SLC14A2: variants seen among roughly 807,000 people sequenced by gnomAD.
The protein encoded by SLC14A2 is solute carrier family 14 member 2.
Under a neutral mutation model 104.6 loss-of-function variants are expected in SLC14A2, and 91 were observed. The observed-to-expected ratio is 0.87, with a 90% confidence interval of 0.73 to 1.04. The LOEUF is 1.04. SLC14A2 is among the 50% of genes least tolerant of loss of function. The pLI, the probability that SLC14A2 is intolerant of heterozygous loss-of-function variation, is 0.00. For missense variants in SLC14A2, 1,189 were observed against 1,156.0 expected (o/e 1.03, Z -0.41); for synonymous variants, 476 against 466.4 (o/e 1.02, Z -0.27).
At chr18:45,229,982 T>C (rs2084158621) in intron 1 of SLC14A2, among the ~76,000 whole-genome samples, 1 of 152,182 alleles carries the variant, frequency 6.6e-6, no homozygotes, top group Non-Finnish European at 1.5e-5. Context: ...ATCTGTAAAA[T>C]AGGGTCAACA....
rs542216442 is a variant in SLC14A2, at chr18:45,399,023, A to G, written c.-124-84210A>G. 3.3e-5 allele frequency among the ~76,000 whole-genome samples: 5 copies of G among 152,332 alleles called. No individual in the cohort carries two copies. The South Asian group carries it at 1.0e-3, about 32-fold the overall frequency. ...TAAAAAATACTTAGCCCAAAAAGAA[A>G]TAGTATAATGACACTTATTGGATGC... On this transcript the variant is annotated intron_variant, in intron 1 of 20. Coordinates refer to the SLC14A2 transcript ENST00000586448.
chr18:45,570,408 T>C (rs1156860116), intron 2 of SLC14A2, among the ~76,000 whole-genome samples: 1 of 152,206 alleles, frequency 6.6e-6, no homozygotes, highest in Non-Finnish European at 1.5e-5. Context: ...CACCCTCCTC[T>C]AAGTTCAACC....
intron 2 of SLC14A2, among the ~76,000 whole-genome samples, chr18:45,554,471 C>T (rs1182051357): frequency 6.6e-6 from 1 of 152,066 alleles, no homozygotes; most frequent in Non-Finnish European, 1.5e-5. Context: ...AATTTGCAGC[C>T]CCCAAACATG....
At chr18:45,239,031 G>GGT (rs1180131832) in intron 1 of SLC14A2, among the ~76,000 whole-genome samples, 2 of 152,108 alleles carry the variant, frequency 1.3e-5, no homozygotes, top group Non-Finnish European at 2.9e-5. Context: ...AAAAAGAAAA[G>GGT]GTGTATATAA....
In SLC14A2 at chr18:45,649,498, C is replaced by G. The variant is rs145251847; in HGVS notation, c.1351+5338C>G. Among the ~76,000 whole-genome samples, 7 of 152,362 alleles carry G rather than the reference C, an allele frequency of 4.6e-5. No homozygotes were observed. The East Asian group carries it at 1.3e-3, about 29-fold the overall frequency. ...CATACATTCCCAGCCATTCTATCAT[C>G]CATTTGGAGTTTACCATTTGTATTG... is the stretch of plus-strand genomic sequence containing the variant. On this transcript the variant is annotated intron_variant, in intron 10 of 19. Transcript: ENST00000255226.
At chr18:45,265,656 T>C (rs1408293444) in intron 1 of SLC14A2, among the ~76,000 whole-genome samples, 1 of 152,150 alleles carries the variant, frequency 6.6e-6, no homozygotes, top group Non-Finnish European at 1.5e-5. Flanking sequence ...AACCTGGACA[T>C]TTAAAAACGG....
chr18:45,489,622 AAGAG>A (rs1415923803), intron 2 of SLC14A2, among the ~76,000 whole-genome samples: 1 of 152,166 alleles, frequency 6.6e-6, no homozygotes, highest in Non-Finnish European at 1.5e-5. Context: ...TTAAGTCACA[AAGAG>A]AGAATCCAAA....
rs201886801 is a variant in SLC14A2, at chr18:45,678,994, G to C, written c.2532G>C (p.Leu844=). ...AIACALFAAY[L]GAALANMLSV... ...TTCTAGCACTGTTTGCTGCCTACCT[G>C]GGTGCTGCCCTGGCTAACATGTTAT... Residue 844 remains leucine (L), a synonymous_variant, in exon 19 of 20, where the codon CTG becomes CTC. Coordinates refer to ENST00000255226, the MANE Select transcript of SLC14A2 (RefSeq NM_007163.4). 44 of 1,591,170 alleles carry C rather than the reference G, an allele frequency of 2.8e-5. No homozygotes were observed. In the African/African-American group the frequency reaches 4.1e-4, roughly 15 times the overall value.
intron 2 of SLC14A2, among the ~76,000 whole-genome samples, chr18:45,503,298 G>T (rs1005446513): frequency 3.9e-5 from 6 of 152,000 alleles, no homozygotes; most frequent in Admixed American, 1.3e-4. Flanking sequence ...TGGGCTTCAG[G>T]GAACAAGCTC....
intron 1 of SLC14A2, among the ~76,000 whole-genome samples, chr18:45,330,566 C>G (rs533751142): frequency 3.7e-4 from 57 of 152,266 alleles, no homozygotes; most frequent in African/African-American, 1.3e-3. Flanking sequence ...GAATGCCTGC[C>G]CATCCCAAAT....
At chr18:45,375,012 C>T (rs569053616) in intron 1 of SLC14A2, among the ~76,000 whole-genome samples, 4 of 152,206 alleles carry the variant, frequency 2.6e-5, no homozygotes, top group South Asian at 4.1e-4. Flanking sequence ...ATACTAAAAC[C>T]GCCCTTGCAA....
At chr18:45,439,954 A>G (rs1161523927) in intron 1 of SLC14A2, among the ~76,000 whole-genome samples, 1 of 152,206 alleles carries the variant, frequency 6.6e-6, no homozygotes, top group Non-Finnish European at 1.5e-5. Context: ...GTAATTCAGC[A>G]TTGGAAAGCT....
At chr18:45,650,995 A>G (rs2045727862) in intron 10 of SLC14A2, among the ~76,000 whole-genome samples, 1 of 152,016 alleles carries the variant, frequency 6.6e-6, no homozygotes, top group African/African-American at 2.4e-5. Context: ...TTCTGTTTAA[A>G]AAGTGTTTTA....
At chr18:45,463,628 C>T (rs994305486) in intron 1 of SLC14A2, among the ~76,000 whole-genome samples, 1 of 152,150 alleles carries the variant, frequency 6.6e-6, no homozygotes, top group South Asian at 2.1e-4. Flanking sequence ...TGTGTGTGTG[C>T]ATGCTTCCGT....
chr18:45,638,086 C>A (rs2045452408), intron 6 of SLC14A2, among the ~76,000 whole-genome samples: 1 of 152,156 alleles, frequency 6.6e-6, no homozygotes, highest in South Asian at 2.1e-4. Flanking sequence ...AATCTGCGTT[C>A]CCGGATGGAA....
chr18:45,631,866 A>G (rs2045350824), intron 4 of SLC14A2, among the ~76,000 whole-genome samples: 1 of 152,112 alleles, frequency 6.6e-6, no homozygotes, highest in Non-Finnish European at 1.5e-5. Context: ...TCATCTTCCC[A>G]CCTTGGACTC....
intron 2 of SLC14A2, among the ~76,000 whole-genome samples, chr18:45,554,419 A>C (rs889074243): frequency 6.6e-6 from 1 of 152,144 alleles, no homozygotes; most frequent in Non-Finnish European, 1.5e-5. Flanking sequence ...TCTTCTGGGG[A>C]AGGCCATGGG....
intron 2 of SLC14A2, among the ~76,000 whole-genome samples, chr18:45,484,974 T>C (rs1437222673): frequency 2.0e-5 from 3 of 152,180 alleles, no homozygotes; most frequent in Non-Finnish European, 4.4e-5. Flanking sequence ...ACAATTGCTG[T>C]TTCTTGTAAT....
rs559224113 is a variant in SLC14A2, at chr18:45,235,518, C to T, written c.-125+22327C>T. Among the ~76,000 whole-genome samples, 112 of 151,930 alleles carry T rather than the reference C, an allele frequency of 7.4e-4. No individual in the cohort carries two copies. The Middle Eastern group carries it at 0.02, about 28-fold the overall frequency. ...GTACTATAGAACGCTAGAATTTATT[C>T]CTCCTATCTAGCTGTAATTTTGTAT... On this transcript the variant is annotated intron_variant, in intron 1 of 20. Transcript: ENST00000586448.
Sources: allele counts gnomAD v4.1 joint callset (sites outside exome capture counted in the v4.1 genomes callset), GRCh38; gene constraint gnomAD v4.1.1; transcripts MANE v1.5; gene names NCBI Gene and HGNC (gene_info 2026-07-23, HGNC 2026-07-21).